NTRK3: variants seen among roughly 807,000 people sequenced by gnomAD.
NTRK3 encodes the protein NT-3 growth factor receptor.
NTRK3 carries 24 observed loss-of-function variants against 91.7 expected under a neutral mutation model. The ratio of observed to expected loss-of-function variants is 0.26; its 90% confidence interval spans 0.19 to 0.37. The LOEUF (loss-of-function observed/expected upper bound fraction) is 0.37. Among genes scored for constraint, NTRK3 ranks in the 10% least tolerant of loss-of-function variants. The probability of loss-of-function intolerance (pLI) is 1.00; values close to 1 mark genes in which losing one functional copy is unlikely to be tolerated. For synonymous variants in NTRK3, 483 were observed against 404.0 expected (o/e 1.20, Z -2.34); for missense variants, 880 against 1,068.9 (o/e 0.82, Z 2.46).
chr15:87,894,191 T>C (rs1186166393), intron 17 of NTRK3, among the ~76,000 whole-genome samples: 1 of 152,214 alleles, frequency 6.6e-6, no homozygotes, highest in Non-Finnish European at 1.5e-5. Flanking sequence ...CCCAGTGGCC[T>C]TGGCCTGTTC....
At chr15:87,959,066 G>A (rs1422394977) in intron 14 of NTRK3, among the ~76,000 whole-genome samples, 2 of 151,020 alleles carry the variant, frequency 1.3e-5, no homozygotes, top group Admixed American at 1.3e-4. Context: ...CCAAGCTCAG[G>A]GCCACCTTAG....
intron 14 of NTRK3, among the ~76,000 whole-genome samples, chr15:87,944,245 T>A (rs986620611): frequency 6.6e-6 from 1 of 152,242 alleles, no homozygotes; most frequent in African/African-American, 2.4e-5. Flanking sequence ...ACTGGCTGGA[T>A]TTGGGCCAAA....
At chr15:88,157,030 C>A (rs910676159) in intron 5 of NTRK3, among the ~76,000 whole-genome samples, 9 of 152,104 alleles carry the variant, frequency 5.9e-5, no homozygotes, top group Non-Finnish European at 2.9e-5. Flanking sequence ...GGGACAAAGA[C>A]AATCCTGTAC....
chr15:87,894,834 C>G (rs2066029172), intron 17 of NTRK3, among the ~76,000 whole-genome samples: 1 of 152,202 alleles, frequency 6.6e-6, no homozygotes, highest in Non-Finnish European at 1.5e-5. Flanking sequence ...CCCTGCTCTA[C>G]TCTCTCCTCA....
Position 88,237,728 on chromosome 15 carries a change from A to C in NTRK3, c.248+18178T>G, listed in dbSNP as rs1020946799. ...CTCTTGCTTACATGACCGACTAAGC[A>C]GACACTTTGGGCATTCGCAACAAGA... On this transcript the variant is annotated intron_variant, in intron 3 of 18. Transcript: ENST00000394480. This position sits in a 1 kb window ranked among gnomAD's most constrained non-coding sequence, Gnocchi z 4.0. Among the ~76,000 whole-genome samples, 6 of 152,160 alleles carry C rather than the reference A, an allele frequency of 3.9e-5. No homozygotes were observed. The South Asian group carries it at 1.2e-3, about 32-fold the overall frequency.
chr15:88,115,368 A>G (rs1169702969), intron 13 of NTRK3, among the ~76,000 whole-genome samples: 1 of 152,244 alleles, frequency 6.6e-6, no homozygotes, highest in Non-Finnish European at 1.5e-5. Context: ...TGCTTCCCCT[A>G]GAGCCCAGGC....
At position 88,234,298 on chromosome 15, in the gene NTRK3, T is replaced by C. The variant is rs2141783516; in HGVS notation, c.248+21608A>G. Reference sequence around the variant, plus strand: ...CTCTTCCTTCATTCATTCATTCTCCTTCATTGATTGATGCATGCATCAGCC... The same window carrying C: ...CTCTTCCTTCATTCATTCATTCTCCCTCATTGATTGATGCATGCATCAGCC... On this transcript the variant is annotated intron_variant, in intron 3 of 18. Coordinates refer to ENST00000394480, the Ensembl canonical transcript of NTRK3. This position sits in a 1 kb window ranked among gnomAD's most constrained non-coding sequence, Gnocchi z 6.1. Among the ~76,000 whole-genome samples the C allele has an allele frequency of 6.6e-6, 1 of 152,304 alleles. No homozygotes were observed. The highest frequency in any genetic ancestry group is 2.1e-4 in the South Asian group (1 of 4,826).
chr15:87,866,086 T>A, exon 19 of NTRK3: 1 of 229,374 alleles, frequency 4.4e-6, no homozygotes, highest in Admixed American at 5.7e-5. Flanking sequence ...CATTTAGGGC[T>A]CAAATAACCC....
chr15:88,234,753 C>A lies in NTRK3; in HGVS notation c.248+21153G>T, dbSNP rs1300286791. Among the ~76,000 whole-genome samples, 1 of 152,204 alleles carries A rather than the reference C, an allele frequency of 6.6e-6. No homozygotes were observed. The highest frequency in any genetic ancestry group is 1.5e-5 in the Non-Finnish European group (1 of 68,030). ...AATCATCTCTTGTTTAAAAGGAAAA[C>A]CCTCTGGGACTTCCTATTTTGCTAG... is the stretch of plus-strand genomic sequence containing the variant. On this transcript the variant is annotated intron_variant, in intron 3 of 18. Coordinates refer to ENST00000394480, the Ensembl canonical transcript of NTRK3. The surrounding 1 kb of genome is among the most constrained non-coding windows in gnomAD (Gnocchi z 6.1).
chr15:88,124,975 T>C (rs1374289937), intron 13 of NTRK3, among the ~76,000 whole-genome samples: 1 of 152,204 alleles, frequency 6.6e-6, no homozygotes, highest in African/African-American at 2.4e-5. Context: ...CCTGTACCCA[T>C]TTTTTGTTTG....
intron 13 of NTRK3, among the ~76,000 whole-genome samples, chr15:88,064,459 T>A (rs1238150916): frequency 6.6e-6 from 1 of 152,194 alleles, no homozygotes; most frequent in Admixed American, 6.5e-5. Context: ...TGGTTCTTTT[T>A]TTTTCTCTAA....
chr15:87,893,558 T>C (rs187985065), intron 17 of NTRK3, among the ~76,000 whole-genome samples: 4 of 152,334 alleles, frequency 2.6e-5, no homozygotes, highest in African/African-American at 9.6e-5. Context: ...CTCATTTCCA[T>C]TGAGTGACTG....
At chr15:87,893,492 A>G (rs1039606950) in intron 17 of NTRK3, among the ~76,000 whole-genome samples, 3 of 152,152 alleles carry the variant, frequency 2.0e-5, no homozygotes, top group South Asian at 2.1e-4. Context: ...AACTCACCCA[A>G]CCACAGCTGT....
intron 14 of NTRK3, among the ~76,000 whole-genome samples, chr15:87,983,738 A>G (rs1057330164): frequency 1.6e-4 from 24 of 152,190 alleles, no homozygotes; most frequent in African/African-American, 5.1e-4. Flanking sequence ...TGGAAAACCA[A>G]TATCCAGGAA....
chr15:88,250,594 C>A (rs1238006098), intron 3 of NTRK3, among the ~76,000 whole-genome samples: 2 of 152,104 alleles, frequency 1.3e-5, no homozygotes, highest in Non-Finnish European at 2.9e-5. Flanking sequence ...AGATCCTCCA[C>A]CCCACCCAGC....
intron 13 of NTRK3, among the ~76,000 whole-genome samples, chr15:88,077,632 T>C (rs1327527637): frequency 6.6e-6 from 1 of 152,054 alleles, no homozygotes; most frequent in Non-Finnish European, 1.5e-5. Context: ...CGACGTTATA[T>C]CTCCTAGCCT....
exon 17 of NTRK3, chr15:87,929,308 G>C (rs1472275646): frequency 8.7e-6 from 14 of 1,614,050 alleles, no homozygotes; most frequent in Non-Finnish European, 1.2e-5. Context: ...CAAAGTGCTG[G>C]GAGGCCAGGT....
At chr15:87,959,580 T>G (rs949921492) in intron 14 of NTRK3, among the ~76,000 whole-genome samples, 1 of 152,200 alleles carries the variant, frequency 6.6e-6, no homozygotes, top group South Asian at 2.1e-4. Context: ...CATCTAAGCA[T>G]AGATTCTACC....
At chr15:88,022,367 C>A (rs1403129616) in intron 14 of NTRK3, among the ~76,000 whole-genome samples, 1 of 152,188 alleles carries the variant, frequency 6.6e-6, no homozygotes, top group African/African-American at 2.4e-5. Context: ...CAATAATGCT[C>A]ATCTTTTGAT....
Sources: allele counts gnomAD v4.1 joint callset (sites outside exome capture counted in the v4.1 genomes callset), GRCh38; gene constraint gnomAD v4.1.1; non-coding constraint Gnocchi (gnomAD v3.1); transcripts MANE v1.5; gene names NCBI Gene and HGNC (gene_info 2026-07-23, HGNC 2026-07-21).